The following SGCZ variants were observed in gnomAD, a reference collection of about 807,000 sequenced individuals.
SGCZ encodes the protein sarcoglycan zeta.
In SGCZ, 40 loss-of-function variants were observed where a neutral mutation model predicts 41.3. That is an observed-to-expected ratio of 0.97 (90% CI 0.75 to 1.26). The LOEUF (loss-of-function observed/expected upper bound fraction) is 1.26. Ranked by LOEUF, SGCZ falls within the 50% of genes most tolerant of loss-of-function variation. The pLI, the probability that SGCZ is intolerant of heterozygous loss-of-function variation, is 0.00. For synonymous variants in SGCZ, 206 were observed against 137.5 expected, an observed-to-expected ratio of 1.50 and a Z score of -3.49; for missense variants, 552 against 369.8, an observed-to-expected ratio of 1.49 and a Z score of -4.04.
chr8:14,754,019 T>C (rs1799581647), intron 1 of SGCZ, among the ~76,000 whole-genome samples: 1 of 152,034 alleles, frequency 6.6e-6, no homozygotes, highest in Non-Finnish European at 1.5e-5. Context: ...CTATCTCATA[T>C]AGGAAAAAAA....
At chr8:15,173,621 C>A (rs1483840820) in intron 1 of SGCZ, among the ~76,000 whole-genome samples, 1 of 152,116 alleles carries the variant, frequency 6.6e-6, no homozygotes, top group Non-Finnish European at 1.5e-5. Context: ...ATGTGGTATT[C>A]TTGAAGATTC....
chr8:14,324,622 C>T (rs1802031794), intron 2 of SGCZ, among the ~76,000 whole-genome samples: 1 of 152,072 alleles, frequency 6.6e-6, no homozygotes, highest in Admixed American at 6.6e-5. Flanking sequence ...TTCAGAGTCA[C>T]ATTGATACAA....
intron 1 of SGCZ, among the ~76,000 whole-genome samples, chr8:14,997,084 C>T (rs903797883): frequency 3.3e-5 from 5 of 152,170 alleles, no homozygotes; most frequent in South Asian, 2.1e-4. Flanking sequence ...TCAATTTCTC[C>T]TTAAATTTCT....
intron 1 of SGCZ, among the ~76,000 whole-genome samples, chr8:14,888,873 A>C (rs928780929): frequency 7.2e-5 from 11 of 152,150 alleles, no homozygotes; most frequent in Admixed American, 3.3e-4. Context: ...ATATGGCTTA[A>C]AATATTACTT....
At chr8:14,567,876 G>C (rs988273809) in intron 1 of SGCZ, among the ~76,000 whole-genome samples, 1 of 152,142 alleles carries the variant, frequency 6.6e-6, no homozygotes, top group African/African-American at 2.4e-5. Flanking sequence ...GAGAGACCAC[G>C]AATCCACCAG....
chr8:15,120,028 T>G (rs1807420912), intron 1 of SGCZ, among the ~76,000 whole-genome samples: 1 of 152,138 alleles, frequency 6.6e-6, no homozygotes, highest in Non-Finnish European at 1.5e-5. Context: ...CTTGCTATGT[T>G]TTCCAGGAGT....
intron 1 of SGCZ, among the ~76,000 whole-genome samples, chr8:15,210,749 C>G (rs1404152954): frequency 1.3e-5 from 2 of 152,174 alleles, no homozygotes. Context: ...AGCGCCCATG[C>G]TTAGCTGCAC....
intron 2 of SGCZ, among the ~76,000 whole-genome samples, chr8:14,362,392 CT>C (rs1803555087): frequency 6.6e-6 from 1 of 152,170 alleles, no homozygotes; most frequent in Non-Finnish European, 1.5e-5. Flanking sequence ...CTACTCAAGC[CT>C]CAGCAATGGT....
At chr8:14,191,990 C>T (rs1805118355) in intron 4 of SGCZ, among the ~76,000 whole-genome samples, 1 of 151,842 alleles carries the variant, frequency 6.6e-6, no homozygotes. Context: ...TCTTAATAAC[C>T]CTTTGGTCAC....
intron 2 of SGCZ, among the ~76,000 whole-genome samples, chr8:14,473,525 T>A (rs1801269640): frequency 6.6e-6 from 1 of 152,162 alleles, no homozygotes; most frequent in African/African-American, 2.4e-5. Flanking sequence ...AAAACTAAAA[T>A]ATCAATTTTG....
intron 2 of SGCZ, among the ~76,000 whole-genome samples, chr8:14,550,437 T>A (rs62498421): frequency 0.036 from 5,404 of 151,794 alleles, 144 homozygotes; most frequent in Non-Finnish European, 0.057. Context: ...ATTGTGGTTA[T>A]CTACATGGAG....
intron 7 of SGCZ, among the ~76,000 whole-genome samples, chr8:14,101,741 G>GAAGA (rs1460664655): frequency 6.6e-6 from 1 of 150,960 alleles, no homozygotes; most frequent in African/African-American, 2.4e-5. Context: ...GTGCTTTCTG[G>GAAGA]AAGAACTTTC....
At position 14,811,518 on chromosome 8, in the gene SGCZ, C is replaced by CTTTTTTTT. The variant is rs71209087; in HGVS notation, c.40-256600_40-256593dup. On this transcript the variant is annotated intron_variant, in intron 1 of 7. Coordinates refer to ENST00000382080, the MANE Select transcript of SGCZ (RefSeq NM_139167.4). The stretch of plus-strand genomic sequence containing the variant: ...AAACATTCGCTGAAAGACACTGCAT[C>CTTTTTTTT]TTTTTTTTTTTTTTTTTTTTTTTTT... Among the ~76,000 whole-genome samples the CTTTTTTTT allele has an allele frequency of 6.6e-4, 33 of 49,748 alleles. 12 individuals carry two copies. Among genetic ancestry groups the CTTTTTTTT allele is most frequent in the African/African-American group, 1.8e-3 (23 of 12,914 alleles). 32.6% of individuals were successfully genotyped at this position (49,748 alleles called of 152,430 possible).
At chr8:14,308,044 G>A (rs1366589356) in intron 3 of SGCZ, among the ~76,000 whole-genome samples, 1 of 151,940 alleles carries the variant, frequency 6.6e-6, no homozygotes. Context: ...CGATTCGGGG[G>A]AACAATATCT....
At chr8:14,907,909 A>C (rs1207482363) in intron 1 of SGCZ, among the ~76,000 whole-genome samples, 1 of 152,208 alleles carries the variant, frequency 6.6e-6, no homozygotes, top group East Asian at 1.9e-4. Flanking sequence ...TTTGAGGAGA[A>C]AGAATAGTTA....
chr8:14,147,298 A>G (rs1434246319), intron 5 of SGCZ, among the ~76,000 whole-genome samples: 1 of 152,128 alleles, frequency 6.6e-6, no homozygotes, highest in Non-Finnish European at 1.5e-5. Context: ...ACAGGACCCA[A>G]TGATCTATTG....
intron 5 of SGCZ, among the ~76,000 whole-genome samples, chr8:14,122,735 C>A (rs781656206): frequency 6.6e-6 from 1 of 152,148 alleles, no homozygotes; most frequent in African/African-American, 2.4e-5. Context: ...CAACTCATTT[C>A]TTCTCCCCTT....
At chr8:15,031,456 C>G (rs1803659663) in intron 1 of SGCZ, among the ~76,000 whole-genome samples, 1 of 152,164 alleles carries the variant, frequency 6.6e-6, no homozygotes, top group East Asian at 1.9e-4. Flanking sequence ...AAAATCCATA[C>G]TATCAATGAT....
At chr8:14,573,837 G>C (rs1330871460) in intron 1 of SGCZ, among the ~76,000 whole-genome samples, 1 of 152,112 alleles carries the variant, frequency 6.6e-6, no homozygotes, top group East Asian at 1.9e-4. Flanking sequence ...CCATAAATAA[G>C]AAATGGAAGA....
Sources: allele counts gnomAD v4.1 joint callset (sites outside exome capture counted in the v4.1 genomes callset), GRCh38; gene constraint gnomAD v4.1.1; transcripts MANE v1.5; gene names NCBI Gene and HGNC (gene_info 2026-07-23, HGNC 2026-07-21).